TCAIM: variants seen among roughly 807,000 people sequenced by gnomAD.
The protein encoded by TCAIM is T cell activation inhibitor, mitochondrial.
Under a neutral mutation model 58.6 loss-of-function variants are expected in TCAIM, and 36 were observed. That is an observed-to-expected ratio of 0.61 (90% CI 0.47 to 0.81). TCAIM has a LOEUF of 0.81. Among genes scored for constraint, TCAIM ranks in the 30% least tolerant of loss-of-function variants. TCAIM has a pLI of 0.00. For missense variants in TCAIM, 466 were observed against 579.6 expected (o/e 0.80, Z 2.01); for synonymous variants, 172 against 193.6 (o/e 0.89, Z 0.93).
Position 44,408,641 on chromosome 3 carries a change from C to G in TCAIM, c.*959C>G, listed in dbSNP as rs1321804759. ...ATGGGCAAACACTATCCAGGAAAAGCCTTGCTTGCCTGTTTCCCAAAGAGC... is the reference window on the plus strand; with the variant it reads ...ATGGGCAAACACTATCCAGGAAAAGGCTTGCTTGCCTGTTTCCCAAAGAGC... On this transcript the variant is annotated 3_prime_UTR_variant, in exon 11 of 11. Transcript: ENST00000342649. The G allele has an allele frequency of 1.3e-5, 2 of 152,066 alleles. No homozygotes were observed. The highest frequency in any genetic ancestry group is 4.8e-5 in the African/African-American group (2 of 41,404). The allele number at this position is 152,066 out of a possible 1,614,324, so 9.4% of individuals were successfully genotyped here.
intron 5 of TCAIM, among the ~76,000 whole-genome samples, chr3:44,368,140 A>G (rs192386728): frequency 6.6e-6 from 1 of 152,348 alleles, no homozygotes; most frequent in Non-Finnish European, 1.5e-5. Context: ...TAATCCATAC[A>G]TAAGAAAAAT....
chr3:44,389,190 T>C (rs1484080227), intron 5 of TCAIM, among the ~76,000 whole-genome samples: 1 of 152,142 alleles, frequency 6.6e-6, no homozygotes, highest in African/African-American at 2.4e-5. Flanking sequence ...CTCAGGAGGC[T>C]GAGGCAGAAG....
At position 44,394,891 on chromosome 3, in the gene TCAIM, C is replaced by CA. The variant is rs10583839; in HGVS notation, c.696-1478dup. Among the ~76,000 whole-genome samples the CA allele has an allele frequency of 5.3e-4, 9 of 16,880 alleles. 4 individuals carry two copies. Among genetic ancestry groups the CA allele is most frequent in the Non-Finnish European group, 8.2e-4 (9 of 11,034 alleles). The allele number at this position is 16,880 out of a possible 152,430, so 11.1% of individuals were successfully genotyped here. On this transcript the variant is annotated intron_variant, in intron 6 of 10. Coordinates refer to ENST00000342649, the MANE Select transcript of TCAIM (RefSeq NM_173826.4). Reference sequence around the variant, plus strand: ...CCTGGGCAACAGAGCGAGACTGTCTCAAAAAAAAAAAAAAAAAAAAAAAAA... The same window carrying CA: ...CCTGGGCAACAGAGCGAGACTGTCTCAAAAAAAAAAAAAAAAAAAAAAAAAA...
chr3:44,342,613 A>G (rs766005738), intron 1 of TCAIM, among the ~76,000 whole-genome samples: 18 of 152,198 alleles, frequency 1.2e-4, no homozygotes, highest in Non-Finnish European at 2.4e-4. Context: ...GAAGTGGAAA[A>G]TGTAGCCAGA....
intron 5 of TCAIM, among the ~76,000 whole-genome samples, chr3:44,389,192 AG>A (rs1446800143): frequency 1.3e-5 from 2 of 152,208 alleles, no homozygotes; most frequent in East Asian, 3.9e-4. Context: ...CAGGAGGCTG[AG>A]GCAGAAGAAT....
chr3:44,388,084 C>G (rs1424690521), intron 5 of TCAIM, among the ~76,000 whole-genome samples: 1 of 151,518 alleles, frequency 6.6e-6, no homozygotes, highest in East Asian at 1.9e-4. Context: ...TTCCCTGAAC[C>G]ATTTGAGTAA....
At chr3:44,399,335 T>C (rs1701987489) in intron 8 of TCAIM, among the ~76,000 whole-genome samples, 2 of 152,198 alleles carry the variant, frequency 1.3e-5, no homozygotes, top group Admixed American at 1.3e-4. Flanking sequence ...GAGTAACCCA[T>C]GGAAAAATTG....
At chr3:44,372,283 T>C (rs1039303546) in intron 5 of TCAIM, among the ~76,000 whole-genome samples, 1 of 152,202 alleles carries the variant, frequency 6.6e-6, no homozygotes, top group Non-Finnish European at 1.5e-5. Flanking sequence ...ATTGTAAAAC[T>C]GTTGAACCAT....
chr3:44,371,557 G>A (rs1341932404), intron 5 of TCAIM, among the ~76,000 whole-genome samples: 1 of 152,102 alleles, frequency 6.6e-6, no homozygotes, highest in African/African-American at 2.4e-5. Flanking sequence ...TGAAATGCAG[G>A]GTAGGCTAAA....
chr3:44,372,129 G>GTATAC (rs1701487503), intron 5 of TCAIM, among the ~76,000 whole-genome samples: 1 of 152,120 alleles, frequency 6.6e-6, no homozygotes, highest in Non-Finnish European at 1.5e-5. Context: ...CCGACTGTTG[G>GTATAC]TATACGCATG....
intron 1 of TCAIM, among the ~76,000 whole-genome samples, chr3:44,350,679 C>T (rs907298102): frequency 1.3e-5 from 2 of 152,190 alleles, no homozygotes; most frequent in Non-Finnish European, 2.9e-5. Flanking sequence ...ACTCCTGCTG[C>T]AGCCTCCCGA....
intron 3 of TCAIM, chr3:44,359,100 G>C (rs758681638): frequency 1.0e-6 from 1 of 980,972 alleles, no homozygotes; most frequent in Non-Finnish European, 1.2e-6. Flanking sequence ...TAAGACTTCT[G>C]TATGCAGCAG....
intron 1 of TCAIM, chr3:44,340,292 A>G (rs908054929): frequency 2.6e-5 from 4 of 152,196 alleles, no homozygotes; most frequent in African/African-American, 7.2e-5. Context: ...TTACAGATTG[A>G]CATTCCAGTT....
chr3:44,344,041 T>TGA lies in TCAIM; in HGVS notation c.-45+5213_-45+5214dup, dbSNP rs1700912418. 1.7e-3 allele frequency among the ~76,000 whole-genome samples: 227 copies of TGA among 130,372 alleles called. 5 individuals are homozygous for TGA. The East Asian group carries it at 0.047, about 27-fold the overall frequency. 85.5% of individuals were successfully genotyped at this position (130,372 alleles called of 152,430 possible). ...GGAAATGCTTTTTTTTTTTTTTTTT[T>TGA]GAGAGAGTCTCACTCCATCACCCCG... On this transcript the variant is annotated intron_variant, in intron 1 of 10. Coordinates refer to ENST00000342649, the MANE Select transcript of TCAIM (RefSeq NM_173826.4).
intron 4 of TCAIM, among the ~76,000 whole-genome samples, chr3:44,366,463 G>GTTTTTT (rs11310204): frequency 1.2e-5 from 1 of 83,020 alleles, no homozygotes; most frequent in African/African-American, 4.7e-5. Flanking sequence ...AATTTTTGTT[G>GTTTTTT]TTTTTTTTTT....
chr3:44,397,944 C>G (rs960429086), intron 8 of TCAIM, among the ~76,000 whole-genome samples: 2 of 151,324 alleles, frequency 1.3e-5, no homozygotes, highest in Admixed American at 1.3e-4. Context: ...TATTTTCAAA[C>G]TCTCAAATTT....
intron 1 of TCAIM, among the ~76,000 whole-genome samples, chr3:44,353,298 G>A (rs1314029812): frequency 6.6e-6 from 1 of 152,042 alleles, no homozygotes; most frequent in Non-Finnish European, 1.5e-5. Context: ...CAATTGTCTG[G>A]ATATACCACA....
At position 44,409,168 on chromosome 3, in the gene TCAIM, G is replaced by T. The variant is rs949745581; in HGVS notation, c.*1486G>T. 1 of 152,168 alleles carries T rather than the reference G, an allele frequency of 6.6e-6. No homozygotes were observed. The highest frequency in any genetic ancestry group is 1.5e-5 in the Non-Finnish European group (1 of 68,022). The allele number at this position is 152,168 out of a possible 1,614,324, so 9.4% of individuals were successfully genotyped here. ...CAAATGTGTATTCAAAAGAAGTACTGATTTGTAATTATTATAGTTTGTGTG... is the reference window on the plus strand; with the variant it reads ...CAAATGTGTATTCAAAAGAAGTACTTATTTGTAATTATTATAGTTTGTGTG... On this transcript the variant is annotated 3_prime_UTR_variant, in exon 11 of 11. Transcript: ENST00000342649.
chr3:44,369,922 G>A (rs983630642), intron 5 of TCAIM, among the ~76,000 whole-genome samples: 4 of 152,158 alleles, frequency 2.6e-5, no homozygotes, highest in African/African-American at 4.8e-5. Flanking sequence ...CATACATAGC[G>A]TAGCAATAGA....
Sources: allele counts gnomAD v4.1 joint callset (sites outside exome capture counted in the v4.1 genomes callset), GRCh38; gene constraint gnomAD v4.1.1; transcripts MANE v1.5; gene names NCBI Gene and HGNC (gene_info 2026-07-23, HGNC 2026-07-21).